CELF2: variants seen among roughly 807,000 people sequenced by gnomAD.
CELF2 encodes the protein CUG triplet repeat RNA-binding protein 2.
Under a neutral mutation model 62.6 loss-of-function variants are expected in CELF2, and 8 were observed. The observed-to-expected ratio is 0.13, with a 90% CI of 0.07 to 0.23. The LOEUF (loss-of-function observed/expected upper bound fraction) is 0.23. Ranked by LOEUF, CELF2 falls within the 10% of genes least tolerant of loss-of-function variation. CELF2 has a pLI of 1.00. For missense variants in CELF2, 333 were observed against 671.0 expected (o/e 0.50, Z 5.56); for synonymous variants, 258 against 250.0 (o/e 1.03, Z -0.30).
chr10:11,266,094 A>G (rs1051539734), intron 5 of CELF2, among the ~76,000 whole-genome samples: 3 of 152,152 alleles, frequency 2.0e-5, no homozygotes, highest in African/African-American at 7.2e-5. Flanking sequence ...ATTTAGATAC[A>G]TTTGTTTGCT....
the CELF2 span, among the ~76,000 whole-genome samples, chr10:10,496,070 C>T: frequency 6.7e-6 from 1 of 150,322 alleles, no homozygotes; most frequent in Non-Finnish European, 1.5e-5. Context: ...TCCATGGAAA[C>T]TCTATCCCTT....
intron 2 of CELF2, among the ~76,000 whole-genome samples, chr10:10,942,717 C>T (rs1159370400): frequency 1.3e-5 from 2 of 152,048 alleles, no homozygotes; most frequent in Non-Finnish European, 2.9e-5. Context: ...TCACTGGGGG[C>T]CATTTTAGAT....
At chr10:10,790,983 T>C in the CELF2 span, among the ~76,000 whole-genome samples, 1 of 152,142 alleles carries the variant, frequency 6.6e-6, no homozygotes, top group South Asian at 2.1e-4. Context: ...TCCTCACCTA[T>C]AAAATGAAGA....
At chr10:10,519,901 G>T in the CELF2 span, among the ~76,000 whole-genome samples, 1 of 152,190 alleles carries the variant, frequency 6.6e-6, no homozygotes, top group Admixed American at 6.5e-5. Flanking sequence ...AAATCCTTCT[G>T]TTTAGATGAG....
At position 11,269,546 on chromosome 10, in the gene CELF2, C is replaced by T. The variant is rs1334422181; in HGVS notation, c.619-1120C>T. On this transcript the variant is annotated intron_variant, in intron 6 of 12. Coordinates refer to ENST00000633077, the MANE Select transcript of CELF2 (RefSeq NM_001326342.2). The surrounding 1 kb of genome is among the most constrained non-coding windows in gnomAD (Gnocchi z 4.4). ...AGAGGTCTATTATCATGCTGAGTTT[C>T]AATAAAAGTTTTTATTTTAATCACT... is the stretch of plus-strand genomic sequence containing the variant. Among the ~76,000 whole-genome samples the T allele has an allele frequency of 3.9e-5, 6 of 152,144 alleles. No homozygotes were observed. The highest frequency in any genetic ancestry group is 1.4e-4 in the African/African-American group (6 of 41,430).
intron 2 of CELF2, among the ~76,000 whole-genome samples, chr10:10,970,092 A>G (rs963475098): frequency 1.3e-5 from 2 of 152,090 alleles, no homozygotes; most frequent in African/African-American, 4.8e-5. Flanking sequence ...TTTTTGAGAC[A>G]GGGTCTCACT....
intron 1 of CELF2, among the ~76,000 whole-genome samples, chr10:11,040,570 C>G (rs2061662895): frequency 6.6e-6 from 1 of 152,096 alleles, no homozygotes; most frequent in Non-Finnish European, 1.5e-5. Flanking sequence ...GTTGGTCGCT[C>G]TGTTTTTCCT....
At chr10:10,950,718 G>C (rs746422265) in intron 2 of CELF2, among the ~76,000 whole-genome samples, 3 of 152,212 alleles carry the variant, frequency 2.0e-5, no homozygotes, top group Non-Finnish European at 2.9e-5. Context: ...CAACTTTCCT[G>C]ATTAAATTGC....
chr10:10,731,271 C>A, the CELF2 span, among the ~76,000 whole-genome samples: 5 of 152,044 alleles, frequency 3.3e-5, no homozygotes, highest in Non-Finnish European at 5.9e-5. Flanking sequence ...CACACACACA[C>A]ACACCCTCAA....
At chr10:10,776,881 G>A in the CELF2 span, among the ~76,000 whole-genome samples, 4 of 152,236 alleles carry the variant, frequency 2.6e-5, no homozygotes, top group South Asian at 8.3e-4. Context: ...TCACTCTTGT[G>A]ACAATGACCT....
intron 8 of CELF2, among the ~76,000 whole-genome samples, chr10:11,284,152 G>A (rs2090198669): frequency 7.2e-6 from 1 of 138,730 alleles, no homozygotes; most frequent in Admixed American, 7.3e-5. Context: ...GTGGGTGGAT[G>A]AGGGATGAGT....
At chr10:10,736,396 C>CTTTCTTTCTTTCTTTCTTTCTTTCTTTCT in the CELF2 span, among the ~76,000 whole-genome samples, 1 of 76,016 alleles carries the variant, frequency 1.3e-5, no homozygotes, top group Non-Finnish European at 2.7e-5. Flanking sequence ...TTCTTTCTTT[C>CTTTCTTTCTTTCTTTCTTTCTTTCTTTCT]TTTTTTTTTT....
chr10:10,605,683 A>T, the CELF2 span, among the ~76,000 whole-genome samples: 10 of 152,352 alleles, frequency 6.6e-5, no homozygotes, highest in African/African-American at 2.4e-4. Flanking sequence ...AGCTGAGAAG[A>T]GTCCAGGAAA....
chr10:11,106,179 C>G lies in CELF2; in HGVS notation c.75-59307C>G, dbSNP rs7477304. ...ACATCCAAACCCAGAACTTGGTCAT[C>G]TTGGCACTTTTATTTTATTTTACTT... On this transcript the variant is annotated intron_variant, in intron 1 of 12. Coordinates refer to ENST00000633077, the MANE Select transcript of CELF2 (RefSeq NM_001326342.2). 7.2e-3 allele frequency among the ~76,000 whole-genome samples: 1,080 copies of G among 150,658 alleles called. 16 individuals carry two copies. Among genetic ancestry groups the G allele is most frequent in the African/African-American group, 0.025 (1,026 of 41,070 alleles).
intron 7 of CELF2, among the ~76,000 whole-genome samples, chr10:11,274,825 AT>A (rs1199985937): frequency 1.5e-5 from 2 of 130,998 alleles, no homozygotes; most frequent in African/African-American, 5.3e-5. Flanking sequence ...GAGTAAATTG[AT>A]TAATTGTTTT....
intron 1 of CELF2, among the ~76,000 whole-genome samples, chr10:11,061,044 G>C (rs2066612137): frequency 6.6e-6 from 1 of 152,136 alleles, no homozygotes; most frequent in South Asian, 2.1e-4. Flanking sequence ...AGAATCAAAA[G>C]CTTGAAATTA....
chr10:10,648,345 C>G, the CELF2 span, among the ~76,000 whole-genome samples: 1 of 152,184 alleles, frequency 6.6e-6, no homozygotes, highest in South Asian at 2.1e-4. Flanking sequence ...GTCTGTCTGC[C>G]TTTACTAGGC....
chr10:11,019,580 G>A (rs1468236660), intron 1 of CELF2, among the ~76,000 whole-genome samples: 1 of 149,576 alleles, frequency 6.7e-6, no homozygotes, highest in African/African-American at 2.5e-5. Flanking sequence ...TGAGCTGCAA[G>A]GACCTCCCCA....
rs1486023794 is a variant in CELF2, at chr10:11,296,394, G to C, written c.976+7842G>C. Among the ~76,000 whole-genome samples the C allele has an allele frequency of 1.3e-5, 2 of 152,112 alleles. No homozygotes were observed. The highest frequency in any genetic ancestry group is 2.9e-5 in the Non-Finnish European group (2 of 68,032). Reference sequence around the variant, plus strand: ...TGTGTTTTCTGTCCAGCCACTTAATGAGATTTTTTATTCTCACTAAATCAC... The same window carrying C: ...TGTGTTTTCTGTCCAGCCACTTAATCAGATTTTTTATTCTCACTAAATCAC... On this transcript the variant is annotated intron_variant, in intron 9 of 12. Transcript: ENST00000633077. The surrounding 1 kb of genome is among the most constrained non-coding windows in gnomAD (Gnocchi z 5.0).
Sources: gnomAD v4.1 joint callset for allele counts (sites outside exome capture counted in the v4.1 genomes callset) on GRCh38, gnomAD v4.1.1 for gene constraint, Gnocchi (gnomAD v3.1) non-coding constraint, MANE v1.5 for transcripts, NCBI Gene and HGNC (gene_info 2026-07-23, HGNC 2026-07-21) for gene names.